Variants in PMS1 observed in about 807,000 individuals in gnomAD.
The protein encoded by PMS1 is PMS1 protein homolog 1.
PMS1 carries 79 observed loss-of-function variants against 93.1 expected under a neutral mutation model. The ratio of observed to expected loss-of-function variants is 0.85; its 90% CI spans 0.71 to 1.02. The LOEUF is 1.02. PMS1 is among the 50% of genes least tolerant of loss of function. The pLI is 0.00. For missense variants in PMS1, 1,064 were observed against 1,085.3 expected (o/e 0.98, Z 0.28); for synonymous variants, 335 against 363.4 (o/e 0.92, Z 0.89).
intron 1 of PMS1, among the ~76,000 whole-genome samples, chr2:189,785,639 T>C (rs2048241965): frequency 6.6e-6 from 1 of 151,960 alleles, no homozygotes. Context: ...TGTGATGAGG[T>C]TAATTAGAAA....
chr2:189,873,444 A>G, intron 11 of PMS1, 52 bp from the exon 12 acceptor site: 14 of 1,299,858 alleles, frequency 1.1e-5, no homozygotes, highest in Non-Finnish European at 1.5e-5. Flanking sequence ...TTTTTAATGG[A>G]CATGTTCTGG....
At chr2:189,790,644 G>A (rs1358689037) in intron 1 of PMS1, among the ~76,000 whole-genome samples, 1 of 152,110 alleles carries the variant, frequency 6.6e-6, no homozygotes, top group East Asian at 1.9e-4. Context: ...CTATGGTTTA[G>A]CGGTTTAAAT....
chr2:189,814,015 G>A (rs2106312606), intron 4 of PMS1, among the ~76,000 whole-genome samples: 1 of 152,274 alleles, frequency 6.6e-6, no homozygotes, highest in Non-Finnish European at 1.5e-5. Flanking sequence ...AGATTCTGGT[G>A]TGTGTGTATT....
rs749068587 is a variant in PMS1, at chr2:189,817,975, T to C, written c.419-42T>C. On this transcript the variant is annotated intron_variant, in intron 4 of 12. Coordinates refer to ENST00000441310, the MANE Select transcript of PMS1 (RefSeq NM_000534.5). ...ATACGGATTTGAAGATCTGTGACGT[T>C]CCTTCCAAATCTAAATGTGCTTTTC... is the stretch of plus-strand genomic sequence containing the variant. The C allele has an allele frequency of 3.5e-6, 5 of 1,435,202 alleles. No homozygotes were observed. The Admixed American group carries it at 8.4e-5, about 24-fold the overall frequency. 88.9% of individuals were successfully genotyped at this position (1,435,202 alleles called of 1,614,324 possible). A position where few individuals can be genotyped will look rare whatever the true frequency, so the allele number is the denominator to read the frequency against.
intron 1 of PMS1, among the ~76,000 whole-genome samples, chr2:189,787,509 G>A (rs1412916998): frequency 6.6e-6 from 1 of 151,938 alleles, no homozygotes; most frequent in African/African-American, 2.4e-5. Flanking sequence ...AATCTTTACA[G>A]TTATCTTACA....
In PMS1 at chr2:189,827,603, G is replaced by A. The variant is rs113729725; in HGVS notation, c.582+9423G>A. 4.9e-3 allele frequency among the ~76,000 whole-genome samples: 746 copies of A among 151,880 alleles called. 9 individuals carry two copies. The highest frequency in any genetic ancestry group is 0.017 in the African/African-American group (700 of 41,182). ...TCAACCTAAATGCCCATCAAATGAT[G>A]AATGGATAAAGAAAATATCATGTGT... On this transcript the variant is annotated intron_variant, in intron 5 of 12. Transcript: ENST00000441310.
intron 3 of PMS1, among the ~76,000 whole-genome samples, chr2:189,798,159 G>A (rs1315065327): frequency 6.6e-6 from 1 of 152,152 alleles, no homozygotes; most frequent in Non-Finnish European, 1.5e-5. Context: ...CCTCAGCATT[G>A]CTAGCTTATC....
chr2:189,832,622 T>C lies in PMS1; in HGVS notation c.583-11342T>C, dbSNP rs1324480429. On this transcript the variant is annotated intron_variant, in intron 5 of 12. Coordinates refer to ENST00000441310, the MANE Select transcript of PMS1 (RefSeq NM_000534.5). ...CTGGGACTACAGGCGCGTGCCACCA[T>C]GCCCAGCTAATTTTTTGTATTTTTA... 2.0e-5 allele frequency among the ~76,000 whole-genome samples: 3 copies of C among 152,114 alleles called. No homozygotes were observed. The East Asian group carries it at 5.8e-4, about 29-fold the overall frequency.
At chr2:189,809,192 A>G (rs1313235300) in intron 4 of PMS1, among the ~76,000 whole-genome samples, 1 of 152,174 alleles carries the variant, frequency 6.6e-6, no homozygotes, top group Admixed American at 6.5e-5. Flanking sequence ...TTTTAAGAAA[A>G]CTTTCTGATA....
At chr2:189,864,688 AT>A (rs1309682264) in intron 10 of PMS1, among the ~76,000 whole-genome samples, 159 of 4,480 alleles carry the variant, frequency 0.035, 20 homozygotes, top group African/African-American at 0.056. Flanking sequence ...AAAAAAAAAA[AT>A]ATATATATAT....
intron 4 of PMS1, chr2:189,806,126 C>A: frequency 2.5e-6 from 1 of 402,054 alleles, no homozygotes; most frequent in Non-Finnish European, 4.4e-6. Flanking sequence ...ATAAACGATA[C>A]CATCAAGATA....
chr2:189,848,789 T>G (rs2054455996), intron 6 of PMS1, among the ~76,000 whole-genome samples: 1 of 152,206 alleles, frequency 6.6e-6, no homozygotes, highest in Non-Finnish European at 1.5e-5. Context: ...GGTGTTGTAT[T>G]TATGTTGCCA....
intron 5 of PMS1, among the ~76,000 whole-genome samples, chr2:189,841,600 G>A (rs1014403387): frequency 4.0e-5 from 6 of 151,852 alleles, no homozygotes; most frequent in South Asian, 2.1e-4. Flanking sequence ...CTTATTATAC[G>A]TAATATCATT....
rs749530064 is a variant in PMS1 at position 189,784,464 on chromosome 2, T to A, written c.-150T>A. On this transcript the variant is annotated 5_prime_UTR_variant, in exon 1 of 13. Transcript: ENST00000441310. ...AGGCGGGACTCAGTGCCGCGCTCTC[T>A]GCACCCGCTCTGCCGCGCGCGTGCG... 1 of 152,404 alleles carries A rather than the reference T, an allele frequency of 6.6e-6. No individual in the cohort carries two copies. The highest frequency in any genetic ancestry group is 1.9e-4 in the East Asian group (1 of 5,198). 9.4% of individuals were successfully genotyped at this position (152,404 alleles called of 1,614,324 possible).
At chr2:189,857,206 TGAG>T (rs2055425969) in intron 9 of PMS1, among the ~76,000 whole-genome samples, 1 of 152,168 alleles carries the variant, frequency 6.6e-6, no homozygotes, top group Non-Finnish European at 1.5e-5. Context: ...ATTTTTCTGT[TGAG>T]AAGAACATTT....
intron 10 of PMS1, 55 bp downstream of exon 10, chr2:189,864,283 C>G (rs970453429): frequency 8.3e-7 from 1 of 1,201,152 alleles, no homozygotes; most frequent in African/African-American, 1.5e-5. Flanking sequence ...ATAGTTCATA[C>G]TAGATTAAAA....
chr2:189,811,928 A>G (rs1575107105), intron 4 of PMS1, among the ~76,000 whole-genome samples: 4 of 152,248 alleles, frequency 2.6e-5, no homozygotes, highest in Admixed American at 2.6e-4. Context: ...CAGAGGAACA[A>G]TAAAAATAAT....
intron 1 of PMS1, among the ~76,000 whole-genome samples, chr2:189,788,915 C>T (rs1297288383): frequency 6.6e-6 from 1 of 152,094 alleles, no homozygotes; most frequent in African/African-American, 2.4e-5. Context: ...TGGAAAAGTG[C>T]AGAGGTGCCT....
intron 1 of PMS1, among the ~76,000 whole-genome samples, chr2:189,787,827 A>G (rs1027984899): frequency 6.6e-6 from 1 of 152,228 alleles, no homozygotes; most frequent in Admixed American, 6.5e-5. Flanking sequence ...GACAATACAG[A>G]TATCATATGC....
Sources: allele counts gnomAD v4.1 joint callset (sites outside exome capture counted in the v4.1 genomes callset), GRCh38; gene constraint gnomAD v4.1.1; transcripts MANE v1.5; gene names NCBI Gene and HGNC (gene_info 2026-07-23, HGNC 2026-07-21).